RHBDD1: variants seen among roughly 807,000 people sequenced by gnomAD.
The protein encoded by RHBDD1 is rhomboid domain containing 1.
RHBDD1 carries 38 observed loss-of-function variants against 36.3 expected under a neutral mutation model. The ratio of observed to expected loss-of-function variants is 1.05; its 90% CI spans 0.81 to 1.37. The LOEUF is 1.37. RHBDD1 is among the 40% of genes most tolerant of loss of function. RHBDD1 has a pLI of 0.00. For missense variants in RHBDD1, 393 were observed against 377.6 expected (o/e 1.04, Z -0.34); for synonymous variants, 151 against 136.5 (o/e 1.11, Z -0.74).
chr2:226,918,362 A>AC (rs1350466291), intron 8 of RHBDD1, among the ~76,000 whole-genome samples: 1 of 151,972 alleles, frequency 6.6e-6, no homozygotes, highest in East Asian at 1.9e-4. Flanking sequence ...TTTTAAATGT[A>AC]CAAAAAAAAA....
the RHBDD1 span, among the ~76,000 whole-genome samples, chr2:226,811,472 T>G: frequency 6.6e-6 from 1 of 152,136 alleles, no homozygotes; most frequent in Non-Finnish European, 1.5e-5. Flanking sequence ...CAGCTAATTT[T>G]TTGTATTTTT....
In RHBDD1 at chr2:226,873,677, T is replaced by C. The variant is rs768176649; in HGVS notation, c.566+6359T>C. 2.0e-5 allele frequency among the ~76,000 whole-genome samples: 3 copies of C among 152,114 alleles called. 1 individual carries two copies. The highest frequency in any genetic ancestry group is 1.3e-4 in the Admixed American group (2 of 15,266). Reference sequence around the variant, plus strand: ...TAAGAGATAGGAGGTTTTGTCAAGTTTGAAAACGGAGAAAGCTGTGAGAAT... The same window carrying C: ...TAAGAGATAGGAGGTTTTGTCAAGTCTGAAAACGGAGAAAGCTGTGAGAAT... On this transcript the variant is annotated intron_variant, in intron 5 of 8. Coordinates refer to ENST00000392062, the MANE Select transcript of RHBDD1 (RefSeq NM_001167608.3).
At chr2:226,897,752 A>T (rs1160453677) in intron 5 of RHBDD1, among the ~76,000 whole-genome samples, 1 of 152,080 alleles carries the variant, frequency 6.6e-6, no homozygotes, top group Non-Finnish European at 1.5e-5. Flanking sequence ...CGGGTGGATC[A>T]CTGAGGTCAG....
intron 5 of RHBDD1, among the ~76,000 whole-genome samples, chr2:226,888,148 A>C (rs1381200254): frequency 1.3e-5 from 2 of 152,180 alleles, no homozygotes; most frequent in Admixed American, 6.5e-5. Flanking sequence ...GCTTGCCCAT[A>C]CAGCCACGTA....
At chr2:226,894,676 G>A (rs896424797) in intron 5 of RHBDD1, among the ~76,000 whole-genome samples, 7 of 152,176 alleles carry the variant, frequency 4.6e-5, no homozygotes, top group African/African-American at 1.7e-4. Flanking sequence ...TGTACACAAA[G>A]TGTACAAGAT....
At chr2:226,833,040 T>C (rs527528842), upstream of RHBDD1, among the ~76,000 whole-genome samples, 2 of 152,282 alleles carry the variant, frequency 1.3e-5, no homozygotes, top group African/African-American at 2.4e-5. Flanking sequence ...CTGATATTAG[T>C]ATAGCCACTA....
intron 3 of RHBDD1, among the ~76,000 whole-genome samples, chr2:226,863,423 A>G (rs753850965): frequency 7.9e-5 from 12 of 152,242 alleles, no homozygotes; most frequent in Non-Finnish European, 1.3e-4. Flanking sequence ...GCGAAAGGCA[A>G]TACCTTCTGT....
At chr2:226,971,322 C>G (rs1194603886) in intron 8 of RHBDD1, among the ~76,000 whole-genome samples, 1 of 152,196 alleles carries the variant, frequency 6.6e-6, no homozygotes, top group African/African-American at 2.4e-5. Flanking sequence ...AAGTGAAGTA[C>G]AAGTAAGTGG....
chr2:226,813,054 C>T, the RHBDD1 span, among the ~76,000 whole-genome samples: 1 of 152,096 alleles, frequency 6.6e-6, no homozygotes. Flanking sequence ...GCTCCAAAGC[C>T]CTTGTATTTA....
intron 8 of RHBDD1, among the ~76,000 whole-genome samples, chr2:226,954,667 T>C (rs1273444475): frequency 6.6e-6 from 1 of 151,864 alleles, no homozygotes; most frequent in East Asian, 1.9e-4. Flanking sequence ...GAGGGATAAA[T>C]AGGCAGATGG....
chr2:226,923,806 A>G (rs754117091), intron 8 of RHBDD1, among the ~76,000 whole-genome samples: 18 of 151,964 alleles, frequency 1.2e-4, no homozygotes, highest in Admixed American at 3.3e-4. Context: ...CAGTATGTCA[A>G]TTACATTTTT....
chr2:226,903,944 T>C (rs982014086), intron 5 of RHBDD1, among the ~76,000 whole-genome samples: 1 of 152,106 alleles, frequency 6.6e-6, no homozygotes, highest in African/African-American at 2.4e-5. Flanking sequence ...AGAGGAGATA[T>C]GTCACTGGAC....
rs551273432 is a variant in RHBDD1, at chr2:226,997,278, T to C, written c.*1756T>C. 3 of 152,252 alleles carry C rather than the reference T, an allele frequency of 2.0e-5. No homozygotes were observed. The highest frequency in any genetic ancestry group is 4.4e-5 in the Non-Finnish European group (3 of 68,044). 9.4% of individuals were successfully genotyped at this position (152,252 alleles called of 1,614,324 possible). ...TTTAAATTAAAATATTCAAGCTAAATGTTACTGCTCTCTCCCAAATTCTGT... is the reference window on the plus strand; with the variant it reads ...TTTAAATTAAAATATTCAAGCTAAACGTTACTGCTCTCTCCCAAATTCTGT... On this transcript the variant is annotated 3_prime_UTR_variant, in exon 9 of 9. Transcript: ENST00000392062.
chr2:226,848,017 C>T (rs1370477276), intron 3 of RHBDD1, among the ~76,000 whole-genome samples: 1 of 152,152 alleles, frequency 6.6e-6, no homozygotes, highest in Non-Finnish European at 1.5e-5. Context: ...GGTATGGGTG[C>T]TTTTGTTCCT....
intron 8 of RHBDD1, among the ~76,000 whole-genome samples, chr2:226,916,742 A>G (rs558220593): frequency 9.8e-5 from 15 of 152,332 alleles, no homozygotes; most frequent in African/African-American, 3.6e-4. Flanking sequence ...AGACATAGAA[A>G]ACCTCCCATG....
intron 7 of RHBDD1, 71 bp downstream of exon 7, chr2:226,908,949 C>A: frequency 1.1e-6 from 1 of 952,296 alleles, no homozygotes; most frequent in South Asian, 1.4e-5. Flanking sequence ...CTACAGAGTA[C>A]TTTAGGATAC....
chr2:226,881,624 G>C (rs1003773538), intron 5 of RHBDD1, among the ~76,000 whole-genome samples: 4 of 142,524 alleles, frequency 2.8e-5, no homozygotes, highest in African/African-American at 1.2e-4. Flanking sequence ...TGAAGTGCTG[G>C]AACTATTTTC....
chr2:226,810,540 CAA>C, the RHBDD1 span, among the ~76,000 whole-genome samples: 1,054 of 33,740 alleles, frequency 0.031, 9 homozygotes, highest in African/African-American at 0.13. Flanking sequence ...GACTCCGTCT[CAA>C]AAAAAAAAAA....
the RHBDD1 span, among the ~76,000 whole-genome samples, chr2:226,822,112 G>GA: frequency 4.6e-5 from 7 of 151,974 alleles, no homozygotes; most frequent in African/African-American, 1.2e-4. Context: ...GGGAAAAAAA[G>GA]AAAAAAACTT....
Sources: gnomAD v4.1 joint callset for allele counts (sites outside exome capture counted in the v4.1 genomes callset) on GRCh38, gnomAD v4.1.1 for gene constraint, MANE v1.5 for transcripts, NCBI Gene and HGNC (gene_info 2026-07-23, HGNC 2026-07-21) for gene names.